Variants in RTTN observed in about 807,000 individuals in gnomAD.
RTTN encodes the protein rotatin.
A neutral mutation model predicts 269.2 loss-of-function variants in RTTN; 182 were observed. The observed-to-expected ratio is 0.68, with a 90% CI of 0.60 to 0.76. The LOEUF is 0.76. RTTN is among the 30% of genes least tolerant of loss of function. The pLI is 0.00. For synonymous variants in RTTN, 1,006 were observed against 963.5 expected, an observed-to-expected ratio of 1.04 and a Z score of -0.82; for missense variants, 2,545 against 2,608.6, an observed-to-expected ratio of 0.98 and a Z score of 0.53.
At chr18:70,122,834 G>C (rs370247615) in intron 25 of RTTN, among the ~76,000 whole-genome samples, 43 of 151,976 alleles carry the variant, frequency 2.8e-4, no homozygotes, top group African/African-American at 1.0e-3. Context: ...TAGATCTTTG[G>C]GAGATTTATG....
rs760704633 is a variant in RTTN at position 70,057,786 on chromosome 18, C to A, written c.4987G>T (p.Ala1663Ser). 6.2e-7 allele frequency: 1 copy of A among 1,613,842 alleles called. No homozygotes were observed. The highest frequency in any genetic ancestry group is 8.5e-7 in the Non-Finnish European group (1 of 1,179,820). Residue 1663 changes from alanine to serine, a missense_variant, in exon 37 of 49, where the codon GCC becomes TCC. Transcript: ENST00000640769. Reference protein sequence around the residue: ...LIQTCVQELRALLPSSPPAEH... With the variant: ...LIQTCVQELRSLLPSSPPAEH... ...GCTGGAGGTGATGAAGGCAGCAGGG[C>A]TCTGAGTTCCTGGACACATGTCTGT...
chr18:70,029,211 A>G lies in RTTN; in HGVS notation c.5746-410T>C, dbSNP rs2056942283. On this transcript the variant is annotated intron_variant, in intron 42 of 48. Transcript: ENST00000640769. ...GATAAACATACAATCAATCTCCTGC[A>G]TCAATTACATTATTAAATAAGACTT... 2.0e-5 allele frequency among the ~76,000 whole-genome samples: 3 copies of G among 151,846 alleles called. No homozygotes were observed. The South Asian group carries it at 6.2e-4, about 32-fold the overall frequency.
chr18:70,051,507 A>C lies in RTTN; in HGVS notation c.5227T>G (p.Leu1743Val). The C allele has an allele frequency of 6.2e-7, 1 of 1,611,586 alleles. No individual in the cohort carries two copies. Reference sequence around the variant, plus strand: ...AGGAGCATGGCCAGAAGATTAAATAAATGTGTCCATGTGTGATAAAAAGCT... The same window carrying C: ...AGGAGCATGGCCAGAAGATTAAATACATGTGTCCATGTGTGATAAAAAGCT... ...ISAFYHTWTH[L>V]FNLLAMLLRK... Residue 1743 changes from leucine (L) to valine (V), a missense_variant, in exon 39 of 49, where the codon TTA (leucine) becomes GTA (valine). Leu to Val is a conservative substitution (Grantham distance 32). Coordinates refer to ENST00000640769, the MANE Select transcript of RTTN (RefSeq NM_173630.4).
At chr18:70,134,282 T>C (rs2145668264) in intron 23 of RTTN, among the ~76,000 whole-genome samples, 191 bp downstream of exon 23, 1 of 152,198 alleles carries the variant, frequency 6.6e-6, no homozygotes, top group East Asian at 1.9e-4. Flanking sequence ...TTGAACGGTA[T>C]CAAAATAAAA....
At chr18:70,011,253 C>T (rs1430542001) in intron 46 of RTTN, among the ~76,000 whole-genome samples, 3 of 152,144 alleles carry the variant, frequency 2.0e-5, no homozygotes, top group African/African-American at 4.8e-5. Flanking sequence ...CCAGCATCAT[C>T]CTGATACAAA....
intron 40 of RTTN, among the ~76,000 whole-genome samples, chr18:70,034,098 T>G (rs921559274): frequency 6.6e-6 from 1 of 152,156 alleles, no homozygotes; most frequent in African/African-American, 2.4e-5. Context: ...ATGGATCAGA[T>G]GGATTGACAG....
At chr18:70,045,834 T>C (rs887809392) in intron 40 of RTTN, among the ~76,000 whole-genome samples, 3 of 152,240 alleles carry the variant, frequency 2.0e-5, no homozygotes, top group African/African-American at 4.8e-5. Flanking sequence ...AATGTATCCA[T>C]ACCCTCACAA....
intron 3 of RTTN, among the ~76,000 whole-genome samples, chr18:70,203,655 A>G (rs933308832): frequency 6.6e-6 from 1 of 152,244 alleles, no homozygotes; most frequent in African/African-American, 2.4e-5. Flanking sequence ...ACTGCAGCAT[A>G]TAAAAATACT....
intron 35 of RTTN, chr18:70,061,528 C>A: frequency 2.7e-6 from 1 of 366,004 alleles, no homozygotes; most frequent in South Asian, 2.0e-5. Flanking sequence ...ATACATACCC[C>A]TGGGCACATA....
chr18:70,114,486 A>G lies in RTTN; in HGVS notation c.3642T>C (p.Leu1214=), dbSNP rs2059553518. The G allele has an allele frequency of 1.9e-6, 3 of 1,613,410 alleles. No homozygotes were observed. The highest frequency in any genetic ancestry group is 2.5e-6 in the Non-Finnish European group (3 of 1,179,524). ...RQQLQKELIA[L]FDTLLLNFME... is the part of the protein sequence containing the mutation. ...TGAAATTGAGCAGCAAGGTATCAAA[A>G]AGAGCAATCAGTTCTTTCTGAAGTT... The change falls in exon 27 of 49, where the codon CTT becomes CTC. Residue 1214 remains leucine, a synonymous_variant. Transcript: ENST00000640769.
chr18:70,181,614 A>G (rs1316878271), intron 10 of RTTN, among the ~76,000 whole-genome samples: 1 of 152,174 alleles, frequency 6.6e-6, no homozygotes, highest in Non-Finnish European at 1.5e-5. Context: ...GGAAATACCT[A>G]GAGATTTGAT....
chr18:70,195,963 T>C (rs542079491), intron 7 of RTTN, among the ~76,000 whole-genome samples: 5 of 152,216 alleles, frequency 3.3e-5, no homozygotes, highest in Non-Finnish European at 7.4e-5. Context: ...GCAGGTTGCA[T>C]TAAGCTCACA....
intron 27 of RTTN, among the ~76,000 whole-genome samples, chr18:70,113,286 A>G (rs1264146605): frequency 6.6e-6 from 1 of 152,232 alleles, no homozygotes; most frequent in Admixed American, 6.5e-5. Flanking sequence ...AAATAGCCAT[A>G]AGAACATGAG....
chr18:70,130,892 A>C (rs1568432863), intron 23 of RTTN: 1 of 152,040 alleles, frequency 6.6e-6, no homozygotes, highest in Non-Finnish European at 1.5e-5. Context: ...TCAAAATATC[A>C]CATGTACTCC....
At chr18:70,016,213 C>T (rs2056532070) in intron 46 of RTTN, among the ~76,000 whole-genome samples, 2 of 49,160 alleles carry the variant, frequency 4.1e-5, no homozygotes, top group Non-Finnish European at 3.5e-4. Context: ...ATATACACCA[C>T]AAAATATAAG....
intron 46 of RTTN, among the ~76,000 whole-genome samples, chr18:70,014,527 G>A (rs2145485409): frequency 6.6e-6 from 1 of 152,296 alleles, no homozygotes; most frequent in Non-Finnish European, 1.5e-5. Flanking sequence ...GTATGAACTT[G>A]TCTTTCATCC....
intron 26 of RTTN, among the ~76,000 whole-genome samples, chr18:70,115,963 T>TAA (rs2059593947): frequency 6.6e-6 from 1 of 152,032 alleles, no homozygotes; most frequent in African/African-American, 2.4e-5. Context: ...TTTACAGTAT[T>TAA]TTAACATCTA....
At chr18:70,124,517 C>G (rs914858757) in intron 25 of RTTN, among the ~76,000 whole-genome samples, 2 of 151,952 alleles carry the variant, frequency 1.3e-5, no homozygotes, top group Non-Finnish European at 2.9e-5. Flanking sequence ...CACAAGGCAG[C>G]CAAGGAGTTA....
rs762124588 is a variant in RTTN, at chr18:70,176,796, T to TAGC, written c.1352_1354dup (p.Cys451dup). On this transcript the variant is annotated inframe_insertion, in exon 11 of 49. Transcript: ENST00000640769. The stretch of plus-strand genomic sequence containing the variant: ...CTCCAAACTGATACTACTTTTATGG[T>TAGC]AGCACATGGTTTCTCCAAGGGCTCC... The TAGC allele has an allele frequency of 6.8e-6, 11 of 1,613,942 alleles. No homozygotes were observed. The highest frequency in any genetic ancestry group is 9.3e-6 in the Non-Finnish European group (11 of 1,179,954).
Sources: gnomAD v4.1 joint callset for allele counts (sites outside exome capture counted in the v4.1 genomes callset) on GRCh38, gnomAD v4.1.1 for gene constraint, MANE v1.5 for transcripts, NCBI Gene and HGNC (gene_info 2026-07-23, HGNC 2026-07-21) for gene names.